Variants in CENPN observed in about 807,000 individuals in gnomAD.
CENPN encodes the protein interphase centromere complex protein 32.
In CENPN, 36 loss-of-function variants were observed where a neutral mutation model predicts 48.6. The observed-to-expected ratio is 0.74, with a 90% CI of 0.57 to 0.98. The LOEUF is 0.98. CENPN is among the 50% of genes least tolerant of loss of function. The pLI, the probability that CENPN is intolerant of heterozygous loss-of-function variation, is 0.00. For missense variants in CENPN, 439 were observed against 399.2 expected (o/e 1.10, Z -0.85); for synonymous variants, 166 against 135.2 (o/e 1.23, Z -1.58).
At chr16:81,012,314 T>C (rs542422810) in intron 2 of CENPN, among the ~76,000 whole-genome samples, 2 of 152,264 alleles carry the variant, frequency 1.3e-5, no homozygotes, top group South Asian at 4.1e-4. Flanking sequence ...ATCAATAAGA[T>C]GGAAAAAGTA....
chr16:81,020,449 C>T lies in CENPN; in HGVS notation c.531+173C>T, dbSNP rs935467985. On this transcript the variant is annotated intron_variant, in intron 6 of 10. Coordinates refer to ENST00000305850, the MANE Select transcript of CENPN (RefSeq NM_001100624.3). ...GAAGTGGGAGGATTGCTCGTGCCCACGAGTCCAAGGCTGCCGTGAGCTGCG... is the reference window on the plus strand; with the variant it reads ...GAAGTGGGAGGATTGCTCGTGCCCATGAGTCCAAGGCTGCCGTGAGCTGCG... The T allele has an allele frequency of 4.4e-5, 24 of 550,320 alleles. 1 individual carries two copies. Among genetic ancestry groups the T allele is most frequent in the African/African-American group, 7.8e-5 (4 of 51,180 alleles). The allele number at this position is 550,320 out of a possible 1,614,324, so 34.1% of individuals were successfully genotyped here. A position where few individuals can be genotyped will look rare whatever the true frequency, so the allele number is the denominator to read the frequency against.
intron 3 of CENPN, chr16:81,014,418 C>T: frequency 2.1e-6 from 1 of 475,342 alleles, no homozygotes; most frequent in Non-Finnish European, 3.8e-6. Context: ...GTATTTTTTG[C>T]CACAAGGTTT....
Position 81,030,071 on chromosome 16 carries a change from A to T in CENPN, c.*1420A>T, listed in dbSNP as rs562809733. 8.3e-6 allele frequency: 3 copies of T among 359,324 alleles called. No individual in the cohort carries two copies. The highest frequency in any genetic ancestry group is 1.3e-4 in the Admixed American group (2 of 15,466). 22.3% of individuals were successfully genotyped at this position (359,324 alleles called of 1,614,324 possible). On this transcript the variant is annotated 3_prime_UTR_variant, in exon 11 of 11. Transcript: ENST00000305850. The stretch of plus-strand genomic sequence containing the variant: ...TTATAAAACCACCAGAGCTCATGAA[A>T]CTTATTCACTACCATGAGAATAGTA...
In CENPN at chr16:81,014,117, A is replaced by T. The variant is rs778909122; in HGVS notation, c.172-19A>T. The T allele has an allele frequency of 6.2e-7, 1 of 1,609,160 alleles. No individual in the cohort carries two copies. Among genetic ancestry groups the T allele is most frequent in the South Asian group, 1.1e-5 (1 of 90,978 alleles). On this transcript the variant is annotated intron_variant, in intron 2 of 10. Coordinates refer to ENST00000305850, the MANE Select transcript of CENPN (RefSeq NM_001100624.3). The stretch of plus-strand genomic sequence containing the variant: ...AAACCTATAACCACAGTTACTAAAT[A>T]ATTTGTTTTCTCTTTTAGGAAAAGC...
chr16:81,032,498 TA>T, downstream of CENPN: 2 of 1,476,340 alleles, frequency 1.4e-6, no homozygotes, highest in Non-Finnish European at 1.8e-6. Flanking sequence ...GGCACGTTAA[TA>T]AAACTTGTAT....
chr16:81,010,492 C>T (rs1969694781), intron 1 of CENPN, among the ~76,000 whole-genome samples: 1 of 152,182 alleles, frequency 6.6e-6, no homozygotes, highest in Admixed American at 6.5e-5. Flanking sequence ...ATCTCACCCT[C>T]AGGCATGGGC....
At chr16:81,023,034 A>G (rs925617942) in intron 7 of CENPN, 20 of 677,572 alleles carry the variant, frequency 3.0e-5, no homozygotes, top group Middle Eastern at 4.6e-4. Flanking sequence ...CTATGAAACA[A>G]CAGAGAAGTA....
chr16:81,023,045 G>C, intron 7 of CENPN: 1 of 632,992 alleles, frequency 1.6e-6, no homozygotes, highest in Non-Finnish European at 2.5e-6. Context: ...CAGAGAAGTA[G>C]AATTAACTTT....
At chr16:81,019,654 C>T (rs7187063) in intron 5 of CENPN, among the ~76,000 whole-genome samples, 5,376 of 152,040 alleles carry the variant, frequency 0.035, 325 homozygotes, top group African/African-American at 0.12. Flanking sequence ...TAAGGAGGAA[C>T]AGTTTTCAGG....
chr16:81,027,782 G>A (rs1475374190), intron 9 of CENPN, among the ~76,000 whole-genome samples: 1 of 152,172 alleles, frequency 6.6e-6, no homozygotes, highest in Non-Finnish European at 1.5e-5. Context: ...TTGGCTCACT[G>A]CAGCCTCCGC....
chr16:81,025,051 C>G (rs931444693), intron 8 of CENPN, among the ~76,000 whole-genome samples: 2 of 152,220 alleles, frequency 1.3e-5, no homozygotes, highest in Non-Finnish European at 2.9e-5. Flanking sequence ...CCAGGCACCA[C>G]ACTAAGATGT....
In CENPN at chr16:81,024,787, GTGTT is replaced by G. The variant is rs376066753; in HGVS notation, c.697+10_697+13del. On this transcript the variant is annotated intron_variant, in intron 8 of 10. Coordinates refer to ENST00000305850, the MANE Select transcript of CENPN (RefSeq NM_001100624.3). ...TGGACTAGATATAAATAGTACGTGTGTGTTAATATGAAACTGAATTTTGGAAATG... is the reference window on the plus strand; with the variant it reads ...TGGACTAGATATAAATAGTACGTGTGAATATGAAACTGAATTTTGGAAATG... 3.9e-4 allele frequency: 619 copies of G among 1,579,268 alleles called. 7 individuals carry two copies. The East Asian group carries it at 9.5e-3, about 24-fold the overall frequency.
chr16:81,017,436 G>A, intron 4 of CENPN, 51 bp downstream of exon 4: 3 of 1,265,024 alleles, frequency 2.4e-6, no homozygotes, highest in Non-Finnish European at 3.5e-6. Flanking sequence ...CTTGGACTCA[G>A]GAAGCAGAGG....
In CENPN at chr16:81,018,180, T is replaced by G. The variant is rs140082778; in HGVS notation, c.354+346T>G. On this transcript the variant is annotated intron_variant, in intron 5 of 10. Transcript: ENST00000305850. Reference sequence around the variant, plus strand: ...AGCAGCTGAATTTTTAATCTTTTTTTTTTTTTCTTTCCTTGAGACAGAGTC... The same window carrying G: ...AGCAGCTGAATTTTTAATCTTTTTTGTTTTTTCTTTCCTTGAGACAGAGTC... Among the ~76,000 whole-genome samples the G allele has an allele frequency of 2.9e-3, 443 of 152,152 alleles. 3 individuals are homozygous for G. The highest frequency in any genetic ancestry group is 3.8e-3 in the Non-Finnish European group (258 of 68,000).
chr16:81,008,163 G>T (rs534257540), intron 1 of CENPN, among the ~76,000 whole-genome samples: 1 of 152,108 alleles, frequency 6.6e-6, no homozygotes, highest in Admixed American at 6.5e-5. Flanking sequence ...GTTTACTAAA[G>T]GGATTTCCGT....
At chr16:81,009,285 G>C (rs1332970690) in intron 1 of CENPN, among the ~76,000 whole-genome samples, 1 of 152,218 alleles carries the variant, frequency 6.6e-6, no homozygotes, top group Non-Finnish European at 1.5e-5. Context: ...GTCAGGATAA[G>C]TCTGAGGAGA....
chr16:81,030,155 G>T lies in CENPN; in HGVS notation c.*1504G>T. On this transcript the variant is annotated 3_prime_UTR_variant, in exon 11 of 11. Transcript: ENST00000305850. ...CACCTGGCCCTGCCCTTGTCACATG[G>T]GGGTTATTACAATTCAAGGTGACAC... 1 of 973,844 alleles carries T rather than the reference G, an allele frequency of 1.0e-6. No homozygotes were observed. The highest frequency in any genetic ancestry group is 1.2e-6 in the Non-Finnish European group (1 of 819,568). The allele number at this position is 973,844 out of a possible 1,614,324, so 60.3% of individuals were successfully genotyped here. A position where few individuals can be genotyped will look rare whatever the true frequency, so the allele number is the denominator to read the frequency against.
chr16:81,031,314 A>T lies in CENPN; in HGVS notation c.*2663A>T, dbSNP rs1043473572. ...CAACCAATAAACTATGGATTTTTGT[A>T]CTAAGCCAGTTGCCTCTTTCAAAAC... is the stretch of plus-strand genomic sequence containing the variant. On this transcript the variant is annotated 3_prime_UTR_variant, in exon 11 of 11. Coordinates refer to ENST00000305850, the MANE Select transcript of CENPN (RefSeq NM_001100624.3). 2 of 152,200 alleles carry T rather than the reference A, an allele frequency of 1.3e-5. No individual in the cohort carries two copies. Among genetic ancestry groups the T allele is most frequent in the Non-Finnish European group, 2.9e-5 (2 of 68,040 alleles). The allele number at this position is 152,200 out of a possible 1,614,324, so 9.4% of individuals were successfully genotyped here.
At chr16:81,022,279 T>A in intron 6 of CENPN, 1 of 292,028 alleles carries the variant, frequency 3.4e-6, no homozygotes, top group Non-Finnish European at 6.5e-6. Context: ...ATTAGATGAC[T>A]GATATTCAAA....
Sources: gnomAD v4.1 joint callset for allele counts (sites outside exome capture counted in the v4.1 genomes callset) on GRCh38, gnomAD v4.1.1 for gene constraint, MANE v1.5 for transcripts, NCBI Gene and HGNC (gene_info 2026-07-23, HGNC 2026-07-21) for gene names.